The following MEIKIN variants were observed in gnomAD, a reference collection of about 807,000 sequenced individuals.
MEIKIN encodes the protein meiosis-specific kinetochore protein.
At chr5:131,905,460 C>G (rs558267752) in intron 8 of MEIKIN, among the ~76,000 whole-genome samples, 5 of 151,652 alleles carry the variant, frequency 3.3e-5, no homozygotes, top group Admixed American at 6.6e-5. Context: ...CTAAAGGAAA[C>G]TAAGATGAAA....
chr5:131,816,807 T>C lies in MEIKIN; in HGVS notation c.1099+1933A>G, dbSNP rs139617754. On this transcript the variant is annotated intron_variant, in intron 12 of 12. Transcript: ENST00000442687. ...CTTTCTCCTTGAAAACTTCATAACC[T>C]AAGGAATATGAAATATGAAAAGTCA... 4.4e-3 allele frequency among the ~76,000 whole-genome samples: 671 copies of C among 152,268 alleles called. 12 individuals are homozygous for C. Among genetic ancestry groups the C allele is most frequent in the African/African-American group, 0.016 (652 of 41,546 alleles).
At chr5:131,869,554 G>T (rs1417223503) in intron 9 of MEIKIN, among the ~76,000 whole-genome samples, 1 of 152,064 alleles carries the variant, frequency 6.6e-6, no homozygotes, top group African/African-American at 2.4e-5. Flanking sequence ...TTCTCCTGAG[G>T]CCAGGCCTTG....
At chr5:131,861,217 T>C (rs575696164) in intron 9 of MEIKIN, among the ~76,000 whole-genome samples, 5 of 152,058 alleles carry the variant, frequency 3.3e-5, no homozygotes, top group African/African-American at 1.2e-4. Context: ...GGTGAAACCC[T>C]GTTTCTACTA....
intron 8 of MEIKIN, among the ~76,000 whole-genome samples, chr5:131,904,404 A>G (rs1286284573): frequency 6.6e-6 from 1 of 152,218 alleles, no homozygotes; most frequent in East Asian, 1.9e-4. Context: ...CTGATCACAA[A>G]GTCAGGTACA....
At chr5:131,819,453 A>AGGGAGAGGAGGAGGGAC (rs1749440062) in intron 11 of MEIKIN, among the ~76,000 whole-genome samples, 1 of 978 alleles carries the variant, frequency 1.0e-3, no homozygotes. Flanking sequence ...GAGGAGGGAC[A>AGGGAGAGGAGGAGGGAC]GGGGGAGGGA....
chr5:131,848,905 A>T (rs535697240), intron 11 of MEIKIN, among the ~76,000 whole-genome samples: 35 of 152,294 alleles, frequency 2.3e-4, no homozygotes, highest in Non-Finnish European at 4.1e-4. Flanking sequence ...ATTTGGCGAG[A>T]CTTAAAAAAA....
chr5:131,888,869 T>C (rs979938078), intron 8 of MEIKIN, among the ~76,000 whole-genome samples: 1 of 152,234 alleles, frequency 6.6e-6, no homozygotes, highest in African/African-American at 2.4e-5. Context: ...CTTTAATCCA[T>C]CTTGAATTAA....
At chr5:131,934,363 T>C (rs567279486) in intron 4 of MEIKIN, among the ~76,000 whole-genome samples, 4 of 152,072 alleles carry the variant, frequency 2.6e-5, no homozygotes, top group African/African-American at 4.8e-5. Flanking sequence ...AGCCTACACA[T>C]ACACAAATAT....
At chr5:131,943,864 T>A (rs1420137978) in intron 3 of MEIKIN, among the ~76,000 whole-genome samples, 1 of 152,082 alleles carries the variant, frequency 6.6e-6, no homozygotes, top group Non-Finnish European at 1.5e-5. Flanking sequence ...AAGCCTGTAA[T>A]CTCAGCACTA....
intron 9 of MEIKIN, among the ~76,000 whole-genome samples, chr5:131,855,290 T>A (rs1432423353): frequency 6.6e-6 from 1 of 152,176 alleles, no homozygotes; most frequent in Non-Finnish European, 1.5e-5. Flanking sequence ...GCAAGGATAA[T>A]TGGTTTAAAA....
rs1219454155 is a variant in MEIKIN at position 131,944,681 on chromosome 5, T to C, written c.272A>G (p.Lys91Arg). ...NRSSEDTQDE[K>R]IASLRESVTD... ...CATACATACACGCAACGATGCAATC[T>C]TCTCATCCTGGGTGTCTTCACTAGA... Residue 91 changes from lysine to arginine, a missense_variant, in exon 3 of 13, where the codon AAG (lysine) becomes AGG (arginine). Transcript: ENST00000442687. 2 of 398,966 alleles carry C rather than the reference T, an allele frequency of 5.0e-6. No individual in the cohort carries two copies. The highest frequency in any genetic ancestry group is 4.1e-5 in the African/African-American group (2 of 48,634). 24.7% of individuals were successfully genotyped at this position (398,966 alleles called of 1,614,324 possible).
intron 8 of MEIKIN, among the ~76,000 whole-genome samples, chr5:131,883,981 C>A (rs1415142438): frequency 6.6e-6 from 1 of 152,172 alleles, no homozygotes; most frequent in Non-Finnish European, 1.5e-5. Flanking sequence ...CCAGACCTAG[C>A]CAAAGGGAAA....
intron 12 of MEIKIN, among the ~76,000 whole-genome samples, chr5:131,812,289 A>G (rs1344818722): frequency 6.6e-6 from 1 of 152,214 alleles, no homozygotes; most frequent in East Asian, 1.9e-4. Context: ...GAATGAATAT[A>G]CCATAGTTGA....
At chr5:131,938,087 C>T (rs928011653) in intron 4 of MEIKIN, among the ~76,000 whole-genome samples, 2 of 150,184 alleles carry the variant, frequency 1.3e-5, no homozygotes, top group African/African-American at 4.9e-5. Flanking sequence ...TTGGACTCAT[C>T]TTCTAATTAT....
intron 9 of MEIKIN, among the ~76,000 whole-genome samples, chr5:131,873,097 G>C (rs1369097006): frequency 6.6e-6 from 1 of 152,142 alleles, no homozygotes; most frequent in Non-Finnish European, 1.5e-5. Context: ...CAACTAACGA[G>C]CAAAATAGCC....
chr5:131,825,167 T>C (rs1377133062), intron 11 of MEIKIN, among the ~76,000 whole-genome samples: 2 of 152,094 alleles, frequency 1.3e-5, no homozygotes, highest in East Asian at 1.9e-4. Context: ...ACCACTGCAC[T>C]CCAGCCTGGG....
intron 9 of MEIKIN, among the ~76,000 whole-genome samples, chr5:131,873,468 A>G (rs1332323401): frequency 1.3e-5 from 2 of 152,204 alleles, no homozygotes; most frequent in African/African-American, 4.8e-5. Flanking sequence ...ATATATATGC[A>G]CCCAATATAG....
chr5:131,914,178 C>T (rs1751375431), intron 7 of MEIKIN, among the ~76,000 whole-genome samples: 1 of 152,212 alleles, frequency 6.6e-6, no homozygotes, highest in South Asian at 2.1e-4. Context: ...AAGGCCCTCA[C>T]TAACTGCAGC....
intron 12 of MEIKIN, among the ~76,000 whole-genome samples, chr5:131,807,748 T>A (rs1561718200): frequency 6.6e-6 from 1 of 152,268 alleles, no homozygotes; most frequent in African/African-American, 2.4e-5. Context: ...CCCCACATCT[T>A]GTGCCAAGAG....
Sources: gnomAD v4.1 joint callset for allele counts (sites outside exome capture counted in the v4.1 genomes callset) on GRCh38, gnomAD v4.1.1 for gene constraint, MANE v1.5 for transcripts, NCBI Gene and HGNC (gene_info 2026-07-23, HGNC 2026-07-21) for gene names.